The following LRRTM4 variants were observed in gnomAD, a reference collection of about 807,000 sequenced individuals.
LRRTM4 encodes the protein leucine rich repeat transmembrane neuronal 4.
LRRTM4 carries 25 observed loss-of-function variants against 47.6 expected under a neutral mutation model. That is an observed-to-expected ratio of 0.53 (90% CI 0.38 to 0.73). The LOEUF (loss-of-function observed/expected upper bound fraction) is 0.73, where lower values mean the gene tolerates loss of function less well. LRRTM4 is among the 30% of genes least tolerant of loss of function. LRRTM4 has a pLI of 0.00. For missense variants in LRRTM4, 638 were observed against 713.4 expected (o/e 0.89, Z 1.20); for synonymous variants, 311 against 269.5 (o/e 1.15, Z -1.51).
chr2:77,468,838 C>T (rs1004573240), intron 3 of LRRTM4, among the ~76,000 whole-genome samples: 1 of 152,230 alleles, frequency 6.6e-6, no homozygotes, highest in East Asian at 1.9e-4. Context: ...ATCCTTTTCC[C>T]TTTCTCACAT....
At chr2:77,373,850 G>A (rs1486385662) in intron 3 of LRRTM4, among the ~76,000 whole-genome samples, 1 of 151,738 alleles carries the variant, frequency 6.6e-6, no homozygotes, top group African/African-American at 2.4e-5. Context: ...GGCAAGAGTG[G>A]AAACAGCTCA....
intron 3 of LRRTM4, among the ~76,000 whole-genome samples, chr2:76,819,132 G>A (rs1351270799): frequency 2.0e-5 from 3 of 151,580 alleles, no homozygotes; most frequent in Non-Finnish European, 4.4e-5. Context: ...CTAAAATAAA[G>A]CTAAATCTAT....
chr2:77,180,843 A>G (rs1673328040), intron 3 of LRRTM4, among the ~76,000 whole-genome samples: 1 of 152,146 alleles, frequency 6.6e-6, no homozygotes, highest in Non-Finnish European at 1.5e-5. Flanking sequence ...TTGTGTTCCA[A>G]TCTCTTCAGA....
chr2:77,031,134 T>C (rs1678638099), intron 3 of LRRTM4, among the ~76,000 whole-genome samples: 1 of 152,090 alleles, frequency 6.6e-6, no homozygotes, highest in Non-Finnish European at 1.5e-5. Flanking sequence ...TTATAATTTT[T>C]CTGTTATTTA....
intron 3 of LRRTM4, among the ~76,000 whole-genome samples, chr2:76,802,223 C>A (rs1675735015): frequency 7.9e-6 from 1 of 125,948 alleles, no homozygotes; most frequent in South Asian, 2.8e-4. Flanking sequence ...ACAAAAAATC[C>A]TAAAGACTCC....
intron 3 of LRRTM4, among the ~76,000 whole-genome samples, chr2:77,024,139 T>C (rs1293295621): frequency 3.9e-5 from 6 of 152,076 alleles, no homozygotes; most frequent in Admixed American, 6.5e-5. Flanking sequence ...AAGAACAGTA[T>C]TGGGGAAACC....
chr2:77,063,102 A>C (rs182065669), intron 3 of LRRTM4, among the ~76,000 whole-genome samples: 71 of 151,280 alleles, frequency 4.7e-4, no homozygotes, highest in East Asian at 4.5e-3. Flanking sequence ...CTACAGGCAC[A>C]TGCCACCATG....
At chr2:76,835,990 GA>G (rs1671499892) in intron 3 of LRRTM4, among the ~76,000 whole-genome samples, 1 of 151,900 alleles carries the variant, frequency 6.6e-6, no homozygotes, top group South Asian at 2.1e-4. Context: ...AATCCCAGGG[GA>G]TATTTCTTTT....
rs77235576 is a variant in LRRTM4 at position 76,817,515 on chromosome 2, T to C, written c.1552-68599A>G. Among the ~76,000 whole-genome samples, 845 of 152,056 alleles carry C rather than the reference T, an allele frequency of 5.6e-3. 9 individuals are homozygous for C. Among genetic ancestry groups the C allele is most frequent in the African/African-American group, 0.019 (808 of 41,524 alleles). On this transcript the variant is annotated intron_variant, in intron 3 of 3. Transcript: ENST00000409884. Reference sequence around the variant, plus strand: ...TAGTCCTCACAAAAATACTAGTTATTTTTAAATGAAATAATGGCTTCAGAA... The same window carrying C: ...TAGTCCTCACAAAAATACTAGTTATCTTTAAATGAAATAATGGCTTCAGAA...
chr2:77,416,576 G>A (rs1490616968), intron 3 of LRRTM4, among the ~76,000 whole-genome samples: 1 of 151,856 alleles, frequency 6.6e-6, no homozygotes, highest in Admixed American at 6.6e-5. Context: ...GATATTTCTG[G>A]CCCTCCATAA....
chr2:76,974,601 A>G (rs1320347883), intron 3 of LRRTM4, among the ~76,000 whole-genome samples: 1 of 151,616 alleles, frequency 6.6e-6, no homozygotes, highest in African/African-American at 2.4e-5. Flanking sequence ...CCAAGTATAT[A>G]TCCACTTTCA....
chr2:77,081,456 A>C (rs912493843), intron 3 of LRRTM4, among the ~76,000 whole-genome samples: 12 of 152,016 alleles, frequency 7.9e-5, no homozygotes, highest in African/African-American at 2.9e-4. Flanking sequence ...ATAGAAAATG[A>C]AATAAAAATC....
chr2:77,519,544 G>A lies in LRRTM4; in HGVS notation c.325C>T (p.Arg109Cys), dbSNP rs1215335127. ...SVDEDAFQGI[R>C]RLKELILSSN... ...CTTAGAATTAATTCTTTCAGTCTAC[G>A]GATCCCTTGAAATGCATCTTCATCC... Residue 109 changes from arginine (R) to cysteine (C), a missense_variant, in exon 3 of 4, where the codon CGT (arginine) becomes TGT (cysteine). Transcript: ENST00000409884. This position sits in a 1 kb window ranked among gnomAD's most constrained non-coding sequence, Gnocchi z 4.6. 1 of 1,613,294 alleles carries A rather than the reference G, an allele frequency of 6.2e-7. No individual in the cohort carries two copies. The highest frequency in any genetic ancestry group is 8.5e-7 in the Non-Finnish European group (1 of 1,179,596).
At chr2:76,942,673 A>AGTGTGTGTGTGTGTGTGTGT (rs1558753067) in intron 3 of LRRTM4, among the ~76,000 whole-genome samples, 2 of 77,550 alleles carry the variant, frequency 2.6e-5, no homozygotes, top group African/African-American at 1.9e-4. Flanking sequence ...AACCTCTAGG[A>AGTGTGTGTGTGTGTGTGTGT]ATCTGTGTGT....
intron 3 of LRRTM4, among the ~76,000 whole-genome samples, chr2:77,106,659 T>C (rs1254650006): frequency 6.6e-6 from 1 of 152,096 alleles, no homozygotes; most frequent in African/African-American, 2.4e-5. Flanking sequence ...ATTACAAGGA[T>C]AGAAAAATTC....
rs960395309 is a variant in LRRTM4 at position 77,237,271 on chromosome 2, A to G, written c.1551+281047T>C. On this transcript the variant is annotated intron_variant, in intron 3 of 3. Transcript: ENST00000409884. ...GATTTCTTCCAGATTCACGCTTGGG[A>G]GATTGTGTCTTTGTGTCTTTCCAGG... Among the ~76,000 whole-genome samples the G allele has an allele frequency of 2.0e-5, 3 of 150,186 alleles. No individual in the cohort carries two copies. The East Asian group carries it at 5.9e-4, about 29-fold the overall frequency.
chr2:76,865,265 A>C (rs1438144121), intron 3 of LRRTM4, among the ~76,000 whole-genome samples: 1 of 152,152 alleles, frequency 6.6e-6, no homozygotes, highest in Non-Finnish European at 1.5e-5. Flanking sequence ...TGATTTATTT[A>C]GTCAAAAAAT....
At chr2:76,898,788 C>G (rs2103736668) in intron 3 of LRRTM4, among the ~76,000 whole-genome samples, 1 of 150,788 alleles carries the variant, frequency 6.6e-6, no homozygotes, top group South Asian at 2.1e-4. Context: ...AGTCACTATA[C>G]ATTATATATA....
chr2:77,055,466 A>G (rs1420305034), intron 3 of LRRTM4, among the ~76,000 whole-genome samples: 2 of 152,356 alleles, frequency 1.3e-5, no homozygotes, highest in East Asian at 1.9e-4. Flanking sequence ...CCATCAGAGA[A>G]ATGCAAATCA....
Sources: gnomAD v4.1 joint callset for allele counts (sites outside exome capture counted in the v4.1 genomes callset) on GRCh38, gnomAD v4.1.1 for gene constraint, Gnocchi (gnomAD v3.1) non-coding constraint, MANE v1.5 for transcripts, NCBI Gene and HGNC (gene_info 2026-07-23, HGNC 2026-07-21) for gene names.